Variants in UNC13C observed in about 807,000 individuals in gnomAD.
UNC13C encodes protein unc-13 homolog C.
UNC13C carries 174 observed loss-of-function variants against 245.4 expected under a neutral mutation model. That is an observed-to-expected ratio of 0.71 (90% CI 0.63 to 0.80). UNC13C has a LOEUF of 0.80. Among genes scored for constraint, UNC13C ranks in the 30% least tolerant of loss-of-function variants. The probability of loss-of-function intolerance (pLI) is 0.00; values close to 1 mark genes in which losing one functional copy is unlikely to be tolerated. For missense variants in UNC13C, 2,829 were observed against 2,602.9 expected, an observed-to-expected ratio of 1.09 and a Z score of -1.89; for synonymous variants, 992 against 895.1, an observed-to-expected ratio of 1.11 and a Z score of -1.93.
chr15:54,623,651 G>T, intron 31 of UNC13C, 144 bp from the exon 32 acceptor site: 1 of 713,106 alleles, frequency 1.4e-6, no homozygotes. Context: ...AAAGAAAATT[G>T]TATTTTATTG....
rs1896915138 is a variant in UNC13C, at chr15:54,553,113, TATATTACAATATATAATATATA to T, written c.5878-2318_5878-2297del. On this transcript the variant is annotated intron_variant, in intron 28 of 32. Coordinates refer to ENST00000260323, the MANE Select transcript of UNC13C (RefSeq NM_001080534.3). ...ACAATATATAATATATATTGTATTC[TATATTACAATATATAATATATA>T]GTATTCTATATTACAATATATATTA... Among the ~76,000 whole-genome samples the T allele has an allele frequency of 3.0e-5, 3 of 99,420 alleles. 1 individual carries two copies. Among genetic ancestry groups the T allele is most frequent in the Non-Finnish European group, 5.4e-5 (3 of 55,292 alleles). 65.2% of individuals were successfully genotyped at this position (99,420 alleles called of 152,430 possible). A position where few individuals can be genotyped will look rare whatever the true frequency, so the allele number is the denominator to read the frequency against.
chr15:54,014,964 G>C lies in UNC13C; in HGVS notation c.2061G>C (p.Gln687His), dbSNP rs773744479. The C allele has an allele frequency of 1.2e-6, 2 of 1,613,674 alleles. No individual in the cohort carries two copies. The highest frequency in any genetic ancestry group is 1.7e-6 in the Non-Finnish European group (2 of 1,179,848). ...AAACAAACAGTCTTTTTGACCAACAGCTTGATGTTTACAATAAAGACCTAG... is the reference window on the plus strand; with the variant it reads ...AAACAAACAGTCTTTTTGACCAACACCTTGATGTTTACAATAAAGACCTAG... ...DYETNSLFDQ[Q>H]LDVYNKDLEY... Residue 687 changes from glutamine to histidine, a missense_variant, in exon 2 of 33, where the codon CAG becomes CAC. By Grantham distance (24) the Gln-to-His change is conservative. Transcript: ENST00000260323.
intron 2 of UNC13C, among the ~76,000 whole-genome samples, chr15:54,056,430 C>A (rs550889303): frequency 0.012 from 1,871 of 151,982 alleles, 24 homozygotes; most frequent in Middle Eastern, 0.024. Context: ...AAAAGAAATG[C>A]ACAAAGCCTC....
chr15:54,247,551 G>T (rs142624034), intron 7 of UNC13C, among the ~76,000 whole-genome samples: 4 of 152,004 alleles, frequency 2.6e-5, no homozygotes, highest in Non-Finnish European at 5.9e-5. Flanking sequence ...TTTCAGCTTT[G>T]ATAAATACAT....
the UNC13C span, among the ~76,000 whole-genome samples, chr15:53,873,931 C>T: frequency 5.3e-5 from 7 of 131,980 alleles, no homozygotes; most frequent in African/African-American, 2.1e-4. Context: ...TTTCTTCCTT[C>T]CTTCCTTCCT....
intron 17 of UNC13C, among the ~76,000 whole-genome samples, chr15:54,352,323 A>G (rs112623357): frequency 7.7e-6 from 1 of 129,266 alleles, no homozygotes; most frequent in African/African-American, 3.0e-5. Context: ...ATTTTATATA[A>G]ATATAATTAT....
At chr15:54,006,050 A>G (rs935689906) in intron 1 of UNC13C, among the ~76,000 whole-genome samples, 1 of 152,180 alleles carries the variant, frequency 6.6e-6, no homozygotes. Context: ...GAGTTAGGCG[A>G]TTTGGGCAAC....
In UNC13C at chr15:54,546,825, C is replaced by A; in HGVS notation, c.5800C>A (p.Pro1934Thr). Residue 1934 changes from proline to threonine, a missense_variant, in exon 27 of 33, where the codon CCT (proline) becomes ACT (threonine). Pro to Thr is a conservative substitution (Grantham distance 38). Transcript: ENST00000260323. ...CAAAATAGAAAAACAAATTGTTCTT[C>A]CTCCTCTGACAGATCAAACAGTAAG... ...LNKIEKQIVL[P>T]PLTDQTGPQM... is the part of the protein sequence containing the mutation. 6.3e-7 allele frequency: 1 copy of A among 1,579,308 alleles called. No individual in the cohort carries two copies. The highest frequency in any genetic ancestry group is 8.6e-7 in the Non-Finnish European group (1 of 1,163,108).
intron 19 of UNC13C, among the ~76,000 whole-genome samples, chr15:54,467,158 A>G (rs1485210919): frequency 6.6e-6 from 1 of 151,866 alleles, no homozygotes; most frequent in African/African-American, 2.4e-5. Flanking sequence ...TGTGAACAAG[A>G]TAGACATGGT....
At chr15:54,388,315 A>G (rs1343131363) in intron 17 of UNC13C, among the ~76,000 whole-genome samples, 1 of 152,094 alleles carries the variant, frequency 6.6e-6, no homozygotes, top group East Asian at 1.9e-4. Context: ...AGCACATCCA[A>G]CATTCTGGCT....
chr15:54,597,911 A>G (rs1198077297), intron 30 of UNC13C, among the ~76,000 whole-genome samples: 1 of 152,216 alleles, frequency 6.6e-6, no homozygotes, highest in Admixed American at 6.5e-5. Context: ...CATTAAATGT[A>G]TTCCAGGGAT....
chr15:54,313,385 A>AATTAT (rs1333949599), intron 13 of UNC13C, among the ~76,000 whole-genome samples: 14 of 151,822 alleles, frequency 9.2e-5, no homozygotes, highest in African/African-American at 3.4e-4. Context: ...TAATTAAGTA[A>AATTAT]TGTTTCTTGG....
At chr15:54,083,280 G>A (rs911193395) in intron 2 of UNC13C, among the ~76,000 whole-genome samples, 2 of 152,150 alleles carry the variant, frequency 1.3e-5, no homozygotes, top group African/African-American at 4.8e-5. Flanking sequence ...CTGCAGTGTG[G>A]CTGTGGACCT....
At chr15:53,976,457 T>TTCTC (rs148861102), upstream of UNC13C, among the ~76,000 whole-genome samples, 1 of 100,994 alleles carries the variant, frequency 9.9e-6, no homozygotes, top group African/African-American at 3.4e-5. Flanking sequence ...TTTTTCTTCT[T>TTCTC]TCTCTCTCTC....
intron 17 of UNC13C, among the ~76,000 whole-genome samples, chr15:54,345,880 G>T (rs2038848620): frequency 6.6e-6 from 1 of 152,088 alleles, no homozygotes; most frequent in African/African-American, 2.4e-5. Flanking sequence ...CCATGATTCA[G>T]TACATTAAAC....
At chr15:54,007,298 A>T (rs958417488) in intron 1 of UNC13C, among the ~76,000 whole-genome samples, 1 of 152,192 alleles carries the variant, frequency 6.6e-6, no homozygotes. Flanking sequence ...GGATTAAGCA[A>T]ATAACAGTAA....
At chr15:54,426,675 G>C (rs939457690) in intron 19 of UNC13C, among the ~76,000 whole-genome samples, 2 of 151,556 alleles carry the variant, frequency 1.3e-5, no homozygotes, top group African/African-American at 2.4e-5. Flanking sequence ...TATTTTAAAG[G>C]CTGCCTACCA....
At chr15:54,613,184 A>T (rs1194446914) in intron 30 of UNC13C, among the ~76,000 whole-genome samples, 3 of 151,918 alleles carry the variant, frequency 2.0e-5, no homozygotes, top group African/African-American at 7.2e-5. Context: ...CAATTAGTAT[A>T]TAAAATTAAA....
intron 25 of UNC13C, among the ~76,000 whole-genome samples, chr15:54,530,150 C>T (rs1238240432): frequency 1.3e-5 from 2 of 152,074 alleles, no homozygotes; most frequent in African/African-American, 2.4e-5. Flanking sequence ...TTTTTAATAG[C>T]TTTATTGAGC....
Sources: allele counts gnomAD v4.1 joint callset (sites outside exome capture counted in the v4.1 genomes callset), GRCh38; gene constraint gnomAD v4.1.1; transcripts MANE v1.5; gene names NCBI Gene and HGNC (gene_info 2026-07-23, HGNC 2026-07-21).